ADAMTSL1: variants seen among roughly 807,000 people sequenced by gnomAD.
ADAMTSL1 encodes ADAMTS-like protein 1.
ADAMTSL1 carries 126 observed loss-of-function variants against 201.8 expected under a neutral mutation model. The ratio of observed to expected loss-of-function variants is 0.62; its 90% CI spans 0.54 to 0.72. The LOEUF is 0.72. Among genes scored for constraint, ADAMTSL1 ranks in the 30% least tolerant of loss-of-function variants. The pLI is 0.00. For missense variants in ADAMTSL1, 2,679 were observed against 2,277.8 expected, an observed-to-expected ratio of 1.18 and a Z score of -3.59; for synonymous variants, 1,121 against 903.4, an observed-to-expected ratio of 1.24 and a Z score of -4.32.
intron 2 of ADAMTSL1, among the ~76,000 whole-genome samples, chr9:18,434,494 G>A (rs919789958): frequency 6.6e-6 from 1 of 152,146 alleles, no homozygotes; most frequent in Non-Finnish European, 1.5e-5. Flanking sequence ...ATTAGAGCAG[G>A]CAGGTGGGAC....
intron 2 of ADAMTSL1, among the ~76,000 whole-genome samples, chr9:18,212,634 T>C (rs1381610552): frequency 6.6e-6 from 1 of 152,078 alleles, no homozygotes; most frequent in Non-Finnish European, 1.5e-5. Context: ...CATATGCAAA[T>C]TGATGTTGGG....
At chr9:18,714,544 A>C (rs763572831) in intron 14 of ADAMTSL1, among the ~76,000 whole-genome samples, 2 of 54,768 alleles carry the variant, frequency 3.7e-5, no homozygotes, top group African/African-American at 8.6e-5. Flanking sequence ...AGACTAAACC[A>C]GGAAGAAGTT....
At chr9:18,569,442 G>T (rs1230448679) in intron 3 of ADAMTSL1, among the ~76,000 whole-genome samples, 6 of 152,284 alleles carry the variant, frequency 3.9e-5, no homozygotes, top group East Asian at 1.9e-4. Context: ...GACTTTTATA[G>T]TGAGGAAGCC....
chr9:17,914,699 C>G (rs10963339), intron 1 of ADAMTSL1, among the ~76,000 whole-genome samples: 14,884 of 149,782 alleles, frequency 0.099, 891 homozygotes, highest in Non-Finnish European at 0.13. Context: ...AGGAAATAAA[C>G]GGTATTCAAT....
chr9:18,052,747 T>A (rs967767135), intron 1 of ADAMTSL1, among the ~76,000 whole-genome samples: 1 of 152,194 alleles, frequency 6.6e-6, no homozygotes, highest in Non-Finnish European at 1.5e-5. Context: ...GGAGTCTTTT[T>A]AATGTTTTAT....
chr9:18,149,258 G>A (rs77487958), intron 1 of ADAMTSL1, among the ~76,000 whole-genome samples: 6,813 of 152,040 alleles, frequency 0.045, 211 homozygotes, highest in Non-Finnish European at 0.069. Flanking sequence ...AGGTGGGCAC[G>A]CAAGTCAGAT....
At position 18,698,763 on chromosome 9, in the gene ADAMTSL1, T is replaced by C. The variant is rs539810000; in HGVS notation, c.1575-7984T>C. ...CAATGGTCAATTATTTTGAATGCCA[T>C]TGGAAATGAGACAGAATGAGGATTA... On this transcript the variant is annotated intron_variant, in intron 13 of 28. Coordinates refer to ENST00000380548, the MANE Select transcript of ADAMTSL1 (RefSeq NM_001040272.6). Among the ~76,000 whole-genome samples the C allele has an allele frequency of 3.1e-4, 47 of 152,286 alleles. No individual in the cohort carries two copies. The South Asian group carries it at 9.3e-3, about 30-fold the overall frequency.
intron 15 of ADAMTSL1, among the ~76,000 whole-genome samples, chr9:18,736,277 C>G (rs116750778): frequency 6.6e-5 from 10 of 152,216 alleles, no homozygotes; most frequent in Non-Finnish European, 1.3e-4. Context: ...GCCATTTGTT[C>G]GCAAGTGAGG....
At position 18,910,167 on chromosome 9, in the gene ADAMTSL1, C is replaced by T. The variant is rs936695765; in HGVS notation, c.*1619C>T. On this transcript the variant is annotated 3_prime_UTR_variant, in exon 29 of 29. Transcript: ENST00000380548. ...AGGAAGACAATATTAATCTGTGTCC[C>T]CACCTAGTGAGCTGTGGACAGGTTT... 6.6e-6 allele frequency: 1 copy of T among 152,090 alleles called. No homozygotes were observed. The highest frequency in any genetic ancestry group is 1.5e-5 in the Non-Finnish European group (1 of 68,038). 9.4% of individuals were successfully genotyped at this position (152,090 alleles called of 1,614,324 possible).
At position 18,824,678 on chromosome 9, in the gene ADAMTSL1, C is replaced by T. The variant is rs572153816; in HGVS notation, c.3935-1606C>T. On this transcript the variant is annotated intron_variant, in intron 21 of 28. Transcript: ENST00000380548. ...CATTCTTGGCTTTGACCCCATTTCC[C>T]GGGACTTGACCCTTTTTTTTTTTTT... Among the ~76,000 whole-genome samples, 11 of 143,020 alleles carry T rather than the reference C, an allele frequency of 7.7e-5. No homozygotes were observed. The South Asian group carries it at 1.4e-3, about 18-fold the overall frequency. 93.8% of individuals were successfully genotyped at this position (143,020 alleles called of 152,430 possible). A position where few individuals can be genotyped will look rare whatever the true frequency, so the allele number is the denominator to read the frequency against.
chr9:18,311,749 A>C (rs1472944833), intron 2 of ADAMTSL1, among the ~76,000 whole-genome samples: 1 of 152,220 alleles, frequency 6.6e-6, no homozygotes, highest in East Asian at 1.9e-4. Context: ...CTCTGCCTTC[A>C]GGACTCTCAC....
intron 2 of ADAMTSL1, among the ~76,000 whole-genome samples, chr9:18,446,344 A>G (rs1373901498): frequency 6.6e-6 from 1 of 152,232 alleles, no homozygotes; most frequent in Non-Finnish European, 1.5e-5. Flanking sequence ...GTGCTGGTAT[A>G]CTTGGTTTTC....
At chr9:18,182,608 C>A (rs1014039568) in intron 2 of ADAMTSL1, among the ~76,000 whole-genome samples, 1 of 152,202 alleles carries the variant, frequency 6.6e-6, no homozygotes, top group East Asian at 1.9e-4. Context: ...AATGGTTGAA[C>A]TGCAGAGTGG....
chr9:18,403,093 A>C (rs940700092), intron 2 of ADAMTSL1, among the ~76,000 whole-genome samples: 1 of 152,106 alleles, frequency 6.6e-6, no homozygotes, highest in Non-Finnish European at 1.5e-5. Context: ...GATTGCAATG[A>C]TAATTATGTT....
chr9:18,587,978 G>T (rs1823623775), intron 4 of ADAMTSL1, among the ~76,000 whole-genome samples: 1 of 152,136 alleles, frequency 6.6e-6, no homozygotes, highest in African/African-American at 2.4e-5. Flanking sequence ...CTTTCATTTG[G>T]ATATATAACC....
intron 1 of ADAMTSL1, among the ~76,000 whole-genome samples, chr9:18,131,927 GT>G (rs35884582): frequency 0.4 from 60,639 of 151,836 alleles, 12,967 homozygotes; most frequent in South Asian, 0.48. Flanking sequence ...TTCCTTCATA[GT>G]TCAGGAAGTT....
chr9:18,272,159 G>T (rs1219297872), intron 2 of ADAMTSL1, among the ~76,000 whole-genome samples: 2 of 152,036 alleles, frequency 1.3e-5, no homozygotes, highest in African/African-American at 4.8e-5. Context: ...TTCTTTTGCT[G>T]TGCAGAAGCT....
intron 4 of ADAMTSL1, among the ~76,000 whole-genome samples, chr9:18,618,868 C>A (rs1294087168): frequency 2.0e-5 from 3 of 152,234 alleles, no homozygotes; most frequent in African/African-American, 7.2e-5. Flanking sequence ...CTTTTAACTG[C>A]ATATAATGCT....
intron 2 of ADAMTSL1, among the ~76,000 whole-genome samples, chr9:18,413,046 G>A (rs754862723): frequency 2.2e-4 from 33 of 151,986 alleles, no homozygotes; most frequent in Admixed American, 5.2e-4. Flanking sequence ...AAGTTAAGGC[G>A]TGTTTTACCT....
Sources: gnomAD v4.1 joint callset for allele counts (sites outside exome capture counted in the v4.1 genomes callset) on GRCh38, gnomAD v4.1.1 for gene constraint, MANE v1.5 for transcripts, NCBI Gene and HGNC (gene_info 2026-07-23, HGNC 2026-07-21) for gene names.